Variants in CAPN15 observed in about 807,000 individuals in gnomAD.
CAPN15 encodes calpain-15.
A neutral mutation model predicts 97.9 loss-of-function variants in CAPN15; 53 were observed. The observed-to-expected ratio is 0.54, with a 90% confidence interval of 0.43 to 0.68. The LOEUF is 0.68. Among genes scored for constraint, CAPN15 ranks in the 30% least tolerant of loss-of-function variants. CAPN15 has a pLI of 0.00. For synonymous variants in CAPN15, 922 were observed against 722.5 expected (o/e 1.28, Z -4.43); for missense variants, 1,592 against 1,589.8 (o/e 1.00, Z -0.02).
At chr16:538,877 C>T (rs2033909304) in intron 3 of CAPN15, 1 of 151,524 alleles carries the variant, frequency 6.6e-6, no homozygotes, top group Admixed American at 6.6e-5. Context: ...GCACCCCCAC[C>T]CCCCCCAGCC....
chr16:549,932 C>A, intron 7 of CAPN15, 94 bp downstream of exon 7: 10 of 1,074,414 alleles, frequency 9.3e-6, no homozygotes, highest in East Asian at 2.6e-5. Context: ...TGACCCAGTT[C>A]TGCTTCCACG....
chr16:551,184 GGGCCCC>G, intron 7 of CAPN15, 112 bp from the exon 8 acceptor site: 1 of 1,458,082 alleles, frequency 6.9e-7, no homozygotes, highest in Non-Finnish European at 9.0e-7. Context: ...CGGTCGGTGA[GGGCCCC>G]GGTCGGTGAG....
Position 552,165 on chromosome 16 carries a change from G to C in CAPN15, c.2460G>C (p.Val820=). 1 of 1,543,260 alleles carries C rather than the reference G, an allele frequency of 6.5e-7. No homozygotes were observed. Among genetic ancestry groups the C allele is most frequent in the Non-Finnish European group, 8.7e-7 (1 of 1,143,354 alleles). Reference sequence around the variant, plus strand: ...CCGTGGGGGTAACAGCGCTCACGGTGCTGGAGCGGGCCTCGCTGGAGTTCG... The same window carrying C: ...CCGTGGGGGTAACAGCGCTCACGGTCCTGGAGCGGGCCTCGCTGGAGTTCG... ...SAPVGVTALT[V]LERASLEFAL... Residue 820 remains valine (V), a synonymous_variant, in exon 10 of 14, where the codon GTG becomes GTC. Coordinates refer to ENST00000219611, the MANE Select transcript of CAPN15 (RefSeq NM_005632.3). The surrounding 1 kb of genome is among the most constrained non-coding windows in gnomAD (Gnocchi z 6.4).
chr16:548,317 C>T (rs2034745648), intron 4 of CAPN15, 30 bp downstream of exon 4: 2 of 1,439,556 alleles, frequency 1.4e-6, no homozygotes, highest in Non-Finnish European at 9.1e-7. Context: ...TCTTCCTGCT[C>T]CTGAGCCTCC....
intron 3 of CAPN15, chr16:537,939 CAGAG>C (rs1370465756): frequency 6.6e-6 from 1 of 152,250 alleles, no homozygotes; most frequent in Non-Finnish European, 1.5e-5. Context: ...GTGGCACGTC[CAGAG>C]ACCCGGCCTG....
chr16:552,900 G>A lies in CAPN15; in HGVS notation c.2942G>A (p.Gly981Asp). The A allele has an allele frequency of 1.2e-6, 2 of 1,610,310 alleles. No individual in the cohort carries two copies. The highest frequency in any genetic ancestry group is 1.3e-5 in the African/African-American group (1 of 74,880). The change falls in exon 13 of 14, where the codon GGT becomes GAT. Residue 981 changes from glycine (G) to aspartate (D), a missense_variant. Gly to Asp is a moderately conservative substitution (Grantham distance 94). Transcript: ENST00000219611. The surrounding 1 kb of genome is among the most constrained non-coding windows in gnomAD (Gnocchi z 6.4). ...EGMTCYYLTH[G>D]WAGLIVVVEN... The stretch of plus-strand genomic sequence containing the variant: ...ATGACCTGCTACTACCTGACACACG[G>A]TTGGGCGGGGCTCATCGTGGTGGTG...
intron 2 of CAPN15, among the ~76,000 whole-genome samples, chr16:534,345 G>T (rs1002495100): frequency 1.4e-5 from 2 of 142,378 alleles, no homozygotes; most frequent in African/African-American, 5.4e-5. Flanking sequence ...CCTGTGCACG[G>T]CCCCCACCGC....
At position 552,808 on chromosome 16, in the gene CAPN15, G is replaced by A; in HGVS notation, c.2904+37G>A. On this transcript the variant is annotated intron_variant, in intron 12 of 13. Coordinates refer to ENST00000219611, the MANE Select transcript of CAPN15 (RefSeq NM_005632.3). The surrounding 1 kb of genome is among the most constrained non-coding windows in gnomAD (Gnocchi z 6.4). ...TCCCGGGGGAGGGTGGCGTGGGGCA[G>A]GGGGAGTATGCCCCAGCACCTCCCC... 6.5e-7 allele frequency: 1 copy of A among 1,532,548 alleles called. No homozygotes were observed. Among genetic ancestry groups the A allele is most frequent in the Non-Finnish European group, 8.8e-7 (1 of 1,135,878 alleles). The allele number at this position is 1,532,548 out of a possible 1,614,324, so 94.9% of individuals were successfully genotyped here.
At chr16:543,037 T>TG (rs1436523590) in intron 3 of CAPN15, among the ~76,000 whole-genome samples, 1 of 151,762 alleles carries the variant, frequency 6.6e-6, no homozygotes, top group Non-Finnish European at 1.5e-5. Context: ...GGCGACAGAG[T>TG]GAGACTCTGT....
Position 547,264 on chromosome 16 carries a change from G to C in CAPN15, c.426G>C (p.Glu142Asp). The change falls in exon 4 of 14, where the codon GAG becomes GAC. Residue 142 changes from glutamate to aspartate, a missense_variant. Coordinates refer to ENST00000219611, the MANE Select transcript of CAPN15 (RefSeq NM_005632.3). ...AGGAGGAGGAGGAGGGAGCGGCGGA[G>C]CCCAGAGGGGGCTGGGCGTGTCCGC... is the stretch of plus-strand genomic sequence containing the variant. ...EEQEEEEGAA[E>D]PRGGWACPRC... 1 of 1,509,560 alleles carries C rather than the reference G, an allele frequency of 6.6e-7. No individual in the cohort carries two copies. Among genetic ancestry groups the C allele is most frequent in the Non-Finnish European group, 8.8e-7 (1 of 1,134,188 alleles). The allele number at this position is 1,509,560 out of a possible 1,614,324, so 93.5% of individuals were successfully genotyped here.
intron 7 of CAPN15, among the ~76,000 whole-genome samples, chr16:550,390 T>C (rs545107268): frequency 1.3e-5 from 2 of 152,288 alleles, no homozygotes; most frequent in South Asian, 2.1e-4. Context: ...CTGCCACCCC[T>C]GACTCAGGCC....
Position 552,956 on chromosome 16 carries a change from G to A in CAPN15, c.2998G>A (p.Val1000Met), listed in dbSNP as rs940163713. The A allele has an allele frequency of 2.1e-5, 34 of 1,611,788 alleles. No individual in the cohort carries two copies. Among genetic ancestry groups the A allele is most frequent in the East Asian group, 4.5e-5 (2 of 44,852 alleles). ...CCGACACCCCAAGGCCTACCTGCAC[G>A]TGCAGTGTGACTGCACCGACAGCTT... ...ENRHPKAYLH[V>M]QCDCTDSFNV... The change falls in exon 13 of 14, where the codon GTG becomes ATG. Residue 1000 changes from valine (V) to methionine (M), a missense_variant. Coordinates refer to ENST00000219611, the MANE Select transcript of CAPN15 (RefSeq NM_005632.3). This position sits in a 1 kb window ranked among gnomAD's most constrained non-coding sequence, Gnocchi z 6.4.
intron 5 of CAPN15, 41 bp downstream of exon 5, chr16:549,242 G>GGGGT: frequency 3.3e-6 from 1 of 298,896 alleles, no homozygotes; most frequent in Non-Finnish European, 6.4e-6. Context: ...GGGTGGGCGG[G>GGGGT]CGACCGGCCG....
In CAPN15 at chr16:547,566, C is replaced by A; in HGVS notation, c.728C>A (p.Pro243His). The part of the protein sequence containing the change: ...SPFSSTLQNN[P>H]VPRSRREVPP... ...TTCTCGTCCACCCTGCAGAACAACC[C>A]CGTGCCGCGCAGCCGACGCGAGGTT... The change falls in exon 4 of 14, where the codon CCC becomes CAC. Residue 243 changes from proline (P) to histidine (H), a missense_variant. Pro to His is a moderately conservative substitution (Grantham distance 77). This residue lies in a region of CAPN15 where 883 missense variants were observed against 776.6 expected (regional missense o/e 1.14). Transcript: ENST00000219611. 6.3e-7 allele frequency: 1 copy of A among 1,587,356 alleles called. No homozygotes were observed. Among genetic ancestry groups the A allele is most frequent in the Non-Finnish European group, 8.5e-7 (1 of 1,170,900 alleles).
At position 552,353 on chromosome 16, in the gene CAPN15, C is replaced by G; in HGVS notation, c.2560C>G (p.Arg854Gly). ...GCTGGACCTGTGCATCCTGGTGTTCCGGGCCACGTTCGGCAGCGGCGGCCA... is the reference window on the plus strand; with the variant it reads ...GCTGGACCTGTGCATCCTGGTGTTCGGGGCCACGTTCGGCAGCGGCGGCCA... ...HLLDLCILVF[R>G]ATFGSGGHLS... is the part of the protein sequence containing the mutation. The change falls in exon 11 of 14, where the codon CGG (arginine) becomes GGG (glycine). Residue 854 changes from arginine to glycine, a missense_variant. By Grantham distance (125) the Arg-to-Gly change is moderately radical (BLOSUM62 -2). This residue lies in a region of CAPN15 where 644 missense variants were observed against 699.6 expected (regional missense o/e 0.92). Transcript: ENST00000219611. This position sits in a 1 kb window ranked among gnomAD's most constrained non-coding sequence, Gnocchi z 6.4. The G allele has an allele frequency of 6.3e-7, 1 of 1,595,498 alleles. No individual in the cohort carries two copies. Among genetic ancestry groups the G allele is most frequent in the Non-Finnish European group, 8.5e-7 (1 of 1,175,096 alleles).
At chr16:553,087 C>T (rs1237406606) in intron 13 of CAPN15, 46 bp downstream of exon 13, 2 of 1,062,424 alleles carry the variant, frequency 1.9e-6, no homozygotes, top group East Asian at 7.6e-5. Context: ...GGTGCCCCCT[C>T]CCCTACCCCG....
In CAPN15 at chr16:547,926, G is replaced by T. The variant is rs537166800; in HGVS notation, c.1088G>T (p.Cys363Phe). 3 of 1,605,554 alleles carry T rather than the reference G, an allele frequency of 1.9e-6. No homozygotes were observed. The East Asian group carries it at 6.8e-5, about 36-fold the overall frequency. ...NPTVAPRCSA[C>F]GCSKLHGFQE... ...ACAGTGGCCCCCAGGTGCTCGGCCT[G>T]CGGCTGCTCCAAACTGCACGGCTTC... Residue 363 changes from cysteine (C) to phenylalanine (F), a missense_variant, in exon 4 of 14, where the codon TGC (cysteine) becomes TTC (phenylalanine). Physicochemically the swap from Cys to Phe is radical, Grantham distance 205. This residue lies in a region of CAPN15 where 883 missense variants were observed against 776.6 expected (regional missense o/e 1.14). Coordinates refer to ENST00000219611, the MANE Select transcript of CAPN15 (RefSeq NM_005632.3).
At position 533,972 on chromosome 16, in the gene CAPN15, G is replaced by GGGCCT. The variant is rs2033463578; in HGVS notation, c.-160_-156dup. 1.0e-6 allele frequency: 1 copy of GGGCCT among 985,390 alleles called. No individual in the cohort carries two copies. Among genetic ancestry groups the GGGCCT allele is most frequent in the African/African-American group, 1.7e-5 (1 of 57,254 alleles). 61.0% of individuals were successfully genotyped at this position (985,390 alleles called of 1,614,324 possible). A position where few individuals can be genotyped will look rare whatever the true frequency, so the allele number is the denominator to read the frequency against. On this transcript the variant is annotated 5_prime_UTR_variant, in exon 2 of 14. Coordinates refer to ENST00000219611, the MANE Select transcript of CAPN15 (RefSeq NM_005632.3). ...CAGCAGCCCAGACGCGGCACAGAGA[G>GGGCCT]GGCCTGGGAGCTTGCTGCAGCTTCA...
At chr16:543,911 G>T (rs1047526102) in intron 3 of CAPN15, among the ~76,000 whole-genome samples, 2 of 152,166 alleles carry the variant, frequency 1.3e-5, no homozygotes, top group Non-Finnish European at 2.9e-5. Flanking sequence ...CCCCATGACC[G>T]CTCCCCCACA....
Sources: allele counts gnomAD v4.1 joint callset (sites outside exome capture counted in the v4.1 genomes callset), GRCh38; gene constraint gnomAD v4.1.1; regional missense constraint gnomAD v4.1.1; non-coding constraint Gnocchi (gnomAD v3.1); transcripts MANE v1.5; gene names NCBI Gene and HGNC (gene_info 2026-07-23, HGNC 2026-07-21).